Variants in GRIK3 observed in about 807,000 individuals in gnomAD.
GRIK3 encodes glutamate receptor ionotropic, kainate 3.
A neutral mutation model predicts 102.5 loss-of-function variants in GRIK3; 29 were observed. That is an observed-to-expected ratio of 0.28 (90% CI 0.21 to 0.39). The LOEUF (loss-of-function observed/expected upper bound fraction) is 0.39, where lower values mean the gene tolerates loss of function less well. Ranked by LOEUF, GRIK3 falls within the 10% of genes least tolerant of loss-of-function variation. The probability of loss-of-function intolerance (pLI) is 1.00; values close to 1 mark genes in which losing one functional copy is unlikely to be tolerated. For synonymous variants in GRIK3, 511 were observed against 504.9 expected, an observed-to-expected ratio of 1.01 and a Z score of -0.16; for missense variants, 908 against 1,252.4, an observed-to-expected ratio of 0.73 and a Z score of 4.15.
At chr1:36,974,118 T>G (rs1301817937) in intron 1 of GRIK3, among the ~76,000 whole-genome samples, 1 of 152,194 alleles carries the variant, frequency 6.6e-6, no homozygotes, top group African/African-American at 2.4e-5. Context: ...CATTGGCTTT[T>G]ATCCCTTCCC....
chr1:37,018,240 G>A (rs540376167), intron 1 of GRIK3, among the ~76,000 whole-genome samples: 1 of 152,252 alleles, frequency 6.6e-6, no homozygotes, highest in South Asian at 2.1e-4. Context: ...GGCAAAACAG[G>A]CCTGGTTCGG....
chr1:36,812,922 G>A (rs1642579878), intron 13 of GRIK3, among the ~76,000 whole-genome samples: 2 of 152,196 alleles, frequency 1.3e-5, no homozygotes, highest in African/African-American at 2.4e-5. Flanking sequence ...CTTGGCTGCC[G>A]CCATCTTTAA....
At chr1:36,965,427 C>T (rs566965569) in intron 1 of GRIK3, among the ~76,000 whole-genome samples, 1 of 152,236 alleles carries the variant, frequency 6.6e-6, no homozygotes, top group South Asian at 2.1e-4. Flanking sequence ...TGAGTCACTG[C>T]CTTTGCGTGG....
At position 36,980,158 on chromosome 1, in the gene GRIK3, A is replaced by G. The variant is rs545985006; in HGVS notation, c.115+53836T>C. On this transcript the variant is annotated intron_variant, in intron 1 of 15. Transcript: ENST00000373091. ...TGAACCTCCAACTTGTTCTCTACAC[A>G]GTAATCAGAGGGATATTTTAAAAAT... is the stretch of plus-strand genomic sequence containing the variant. Among the ~76,000 whole-genome samples the G allele has an allele frequency of 9.2e-5, 14 of 152,340 alleles. 1 individual carries two copies. Among genetic ancestry groups the G allele is most frequent in the African/African-American group, 3.4e-4 (14 of 41,584 alleles).
chr1:36,991,286 C>T (rs1210041038), intron 1 of GRIK3, among the ~76,000 whole-genome samples: 1 of 152,198 alleles, frequency 6.6e-6, no homozygotes, highest in African/African-American at 2.4e-5. Flanking sequence ...TTCTTCTTCC[C>T]TTTTCTGGAC....
At chr1:36,890,454 A>G (rs1641101262) in intron 2 of GRIK3, among the ~76,000 whole-genome samples, 1 of 150,714 alleles carries the variant, frequency 6.6e-6, no homozygotes, top group Non-Finnish European at 1.5e-5. Flanking sequence ...ACAGAGTGAG[A>G]CTCTGTCTAA....
At chr1:36,920,625 G>A (rs1641456558) in intron 1 of GRIK3, among the ~76,000 whole-genome samples, 1 of 152,064 alleles carries the variant, frequency 6.6e-6, no homozygotes. Context: ...GTTACTGTTG[G>A]CCACCTCCCC....
chr1:36,851,398 C>A (rs1329165399), intron 8 of GRIK3, among the ~76,000 whole-genome samples: 12 of 152,226 alleles, frequency 7.9e-5, no homozygotes, highest in Non-Finnish European at 1.8e-4. Context: ...GGGCGGGATC[C>A]CTGCCTACAT....
intron 5 of GRIK3, among the ~76,000 whole-genome samples, chr1:36,867,065 G>A (rs1367218828): frequency 6.6e-6 from 1 of 152,192 alleles, no homozygotes. Flanking sequence ...CAGTGCCCAG[G>A]ACCTTGGAGA....
At chr1:36,858,094 C>T (rs541376418) in intron 7 of GRIK3, among the ~76,000 whole-genome samples, 1 of 152,326 alleles carries the variant, frequency 6.6e-6, no homozygotes, top group East Asian at 1.9e-4. Context: ...AGGGCTTCCC[C>T]CACTGCCCTT....
At chr1:37,009,171 G>A (rs1180497664) in intron 1 of GRIK3, among the ~76,000 whole-genome samples, 1 of 152,196 alleles carries the variant, frequency 6.6e-6, no homozygotes, top group South Asian at 2.1e-4. Flanking sequence ...GACAGATGGT[G>A]AGCACTCAGG....
intron 1 of GRIK3, among the ~76,000 whole-genome samples, chr1:36,932,691 T>C (rs1641609411): frequency 6.6e-6 from 1 of 152,254 alleles, no homozygotes; most frequent in African/African-American, 2.4e-5. Flanking sequence ...ATCTGTCCAC[T>C]CTACCTCCTA....
rs188266652 is a variant in GRIK3, at chr1:36,855,304, C to A, written c.1105-1582G>T. Among the ~76,000 whole-genome samples, 3 of 152,326 alleles carry A rather than the reference C, an allele frequency of 2.0e-5. No homozygotes were observed. The South Asian group carries it at 6.2e-4, about 32-fold the overall frequency. ...GCAGATTCTGAATCGGGCTCCACAGCCTCTCCCTGCGGAATGCCCCCAGCA... is the reference window on the plus strand; with the variant it reads ...GCAGATTCTGAATCGGGCTCCACAGACTCTCCCTGCGGAATGCCCCCAGCA... On this transcript the variant is annotated intron_variant, in intron 7 of 15. Coordinates refer to ENST00000373091, the MANE Select transcript of GRIK3 (RefSeq NM_000831.4).
intron 1 of GRIK3, among the ~76,000 whole-genome samples, chr1:37,010,892 C>A (rs1352481378): frequency 2.0e-5 from 3 of 152,104 alleles, no homozygotes; most frequent in East Asian, 1.9e-4. Flanking sequence ...CAGGCGCCCA[C>A]CACCGCGCCC....
At chr1:36,971,083 C>T (rs1642135054) in intron 1 of GRIK3, among the ~76,000 whole-genome samples, 1 of 152,200 alleles carries the variant, frequency 6.6e-6, no homozygotes. Flanking sequence ...TGCCTCTGGA[C>T]CTCCAGGACA....
chr1:36,863,940 CA>C (rs762539271), intron 5 of GRIK3, among the ~76,000 whole-genome samples: 39 of 152,268 alleles, frequency 2.6e-4, no homozygotes, highest in Non-Finnish European at 5.3e-4. Flanking sequence ...ATCCTCCTCT[CA>C]GGGGCAGCTT....
rs545235962 is a variant in GRIK3 at position 36,971,171 on chromosome 1, T to C, written c.115+62823A>G. Among the ~76,000 whole-genome samples, 5 of 152,308 alleles carry C rather than the reference T, an allele frequency of 3.3e-5. No homozygotes were observed. The East Asian group carries it at 9.6e-4, about 29-fold the overall frequency. ...CTGGTTCTGGTAGGGCTGTCAGTCA[T>C]AGAGCACCTTCTCCAAGACATAGAG... On this transcript the variant is annotated intron_variant, in intron 1 of 15. Transcript: ENST00000373091.
At chr1:36,942,235 T>G (rs968147178) in intron 1 of GRIK3, among the ~76,000 whole-genome samples, 1 of 152,194 alleles carries the variant, frequency 6.6e-6, no homozygotes, top group African/African-American at 2.4e-5. Flanking sequence ...GTGCTGGTGA[T>G]GATGCTGGCG....
intron 1 of GRIK3, among the ~76,000 whole-genome samples, chr1:37,028,235 C>T (rs1642783756): frequency 6.6e-6 from 1 of 152,134 alleles, no homozygotes; most frequent in Admixed American, 6.5e-5. Context: ...CCTTGGGTTT[C>T]CTCAAGGCTT....
Sources: allele counts gnomAD v4.1 joint callset (sites outside exome capture counted in the v4.1 genomes callset), GRCh38; gene constraint gnomAD v4.1.1; transcripts MANE v1.5; gene names NCBI Gene and HGNC (gene_info 2026-07-23, HGNC 2026-07-21).